The following EXOC6B variants were observed in gnomAD, a reference collection of about 807,000 sequenced individuals.
EXOC6B encodes SEC15 homolog B.
Under a neutral mutation model 113.5 loss-of-function variants are expected in EXOC6B, and 54 were observed. The ratio of observed to expected loss-of-function variants is 0.48; its 90% CI spans 0.38 to 0.60. The LOEUF is 0.60. Among genes scored for constraint, EXOC6B ranks in the 20% least tolerant of loss-of-function variants. The pLI, the probability that EXOC6B is intolerant of heterozygous loss-of-function variation, is 0.00. For synonymous variants in EXOC6B, 357 were observed against 339.0 expected (o/e 1.05, Z -0.58); for missense variants, 797 against 977.5 (o/e 0.82, Z 2.46).
chr2:72,742,240 C>T (rs1344625221), intron 1 of EXOC6B, among the ~76,000 whole-genome samples: 3 of 152,184 alleles, frequency 2.0e-5, no homozygotes, highest in East Asian at 3.8e-4. Context: ...CAAGTTTTCC[C>T]ATTTATCCCT....
At chr2:72,251,783 G>A (rs148108772) in intron 20 of EXOC6B, among the ~76,000 whole-genome samples, 11 of 152,238 alleles carry the variant, frequency 7.2e-5, no homozygotes, top group African/African-American at 1.4e-4. Flanking sequence ...CATGAATAGC[G>A]TAACTATAAC....
At chr2:72,463,333 A>G (rs1381589439) in intron 18 of EXOC6B, 1 of 152,170 alleles carries the variant, frequency 6.6e-6, no homozygotes, top group African/African-American at 2.4e-5. Flanking sequence ...ACTAGGAACA[A>G]CTAGGAGAGG....
At chr2:72,722,402 T>A (rs529097629) in intron 5 of EXOC6B, among the ~76,000 whole-genome samples, 1 of 152,344 alleles carries the variant, frequency 6.6e-6, no homozygotes, top group South Asian at 2.1e-4. Context: ...CTCTTCTTGC[T>A]CTAATGAATT....
chr2:72,596,309 T>C (rs1670076127), intron 6 of EXOC6B, among the ~76,000 whole-genome samples: 1 of 152,126 alleles, frequency 6.6e-6, no homozygotes, highest in Admixed American at 6.5e-5. Context: ...AAATCACAAC[T>C]ATCATGAGCA....
At chr2:72,759,218 G>A (rs1297311473) in intron 1 of EXOC6B, among the ~76,000 whole-genome samples, 1 of 152,156 alleles carries the variant, frequency 6.6e-6, no homozygotes, top group African/African-American at 2.4e-5. Flanking sequence ...GATTAAATGA[G>A]ATAATGTAAG....
chr2:72,785,738 T>C (rs776156115), intron 1 of EXOC6B, among the ~76,000 whole-genome samples: 1 of 152,238 alleles, frequency 6.6e-6, no homozygotes, highest in Non-Finnish European at 1.5e-5. Context: ...CTCCTGGGCC[T>C]ATGGGCCTGT....
intron 6 of EXOC6B, among the ~76,000 whole-genome samples, chr2:72,694,685 G>A (rs1022058067): frequency 6.6e-6 from 1 of 152,180 alleles, no homozygotes; most frequent in Admixed American, 6.5e-5. Context: ...GCATTAAAAT[G>A]CCATAGGAAC....
At chr2:72,544,062 T>C (rs138428768) in intron 8 of EXOC6B, among the ~76,000 whole-genome samples, 57 of 152,214 alleles carry the variant, frequency 3.7e-4, no homozygotes, top group African/African-American at 1.3e-3. Flanking sequence ...AAGGTGTAAC[T>C]TGCATTTGTT....
chr2:72,237,238 A>G (rs765178755), intron 20 of EXOC6B, among the ~76,000 whole-genome samples: 5 of 152,210 alleles, frequency 3.3e-5, no homozygotes, highest in Non-Finnish European at 5.9e-5. Flanking sequence ...TGTATCACTT[A>G]GATGTCAATT....
intron 1 of EXOC6B, among the ~76,000 whole-genome samples, chr2:72,811,232 G>C (rs1484176353): frequency 1.3e-5 from 2 of 152,074 alleles, no homozygotes; most frequent in Non-Finnish European, 2.9e-5. Context: ...AATCTCTTGA[G>C]CCTGGAAGGC....
intron 6 of EXOC6B, among the ~76,000 whole-genome samples, chr2:72,641,128 C>T (rs1194062569): frequency 6.6e-6 from 1 of 152,246 alleles, no homozygotes; most frequent in African/African-American, 2.4e-5. Context: ...CAGCTCCAGT[C>T]TGCAGCTCCG....
intron 20 of EXOC6B, among the ~76,000 whole-genome samples, chr2:72,280,836 C>T (rs1685084760): frequency 6.6e-6 from 1 of 151,980 alleles, no homozygotes; most frequent in African/African-American, 2.4e-5. Flanking sequence ...AAGAGAACTG[C>T]TGGCAAACTC....
rs1168144653 is a variant in EXOC6B, at chr2:72,379,715, G to A, written c.2122+14C>T. 3 of 1,600,860 alleles carry A rather than the reference G, an allele frequency of 1.9e-6. No homozygotes were observed. Among genetic ancestry groups the A allele is most frequent in the African/African-American group, 1.3e-5 (1 of 74,776 alleles). On this transcript the variant is annotated intron_variant, in intron 19 of 21. Coordinates refer to ENST00000272427, the MANE Select transcript of EXOC6B (RefSeq NM_015189.3). ...TGGTAAGATAAACAAGCACAGGGAT[G>A]GTCACTGTCTTACGTTCACATTCTC...
chr2:72,476,578 G>C (rs1698756926), intron 17 of EXOC6B, among the ~76,000 whole-genome samples: 1 of 152,088 alleles, frequency 6.6e-6, no homozygotes, highest in South Asian at 2.1e-4. Context: ...TGAACTGTGA[G>C]TAATTGTGAT....
intron 6 of EXOC6B, among the ~76,000 whole-genome samples, chr2:72,706,847 C>T (rs143042832): frequency 0.013 from 1,917 of 152,260 alleles, 71 homozygotes; most frequent in Non-Finnish European, 9.5e-3. Flanking sequence ...CACTATAACA[C>T]GACTTCCAAG....
chr2:72,275,848 C>G (rs1198785771), intron 20 of EXOC6B, among the ~76,000 whole-genome samples: 1 of 152,136 alleles, frequency 6.6e-6, no homozygotes, highest in African/African-American at 2.4e-5. Flanking sequence ...AATGACCTTA[C>G]CTGCTTAATT....
chr2:72,703,820 T>G (rs2104652257), intron 6 of EXOC6B, among the ~76,000 whole-genome samples: 1 of 138,330 alleles, frequency 7.2e-6, no homozygotes, highest in Non-Finnish European at 1.5e-5. Context: ...AAGGAGATTT[T>G]GGGCTGAGAC....
intron 6 of EXOC6B, among the ~76,000 whole-genome samples, chr2:72,709,174 G>T (rs1573663765): frequency 6.6e-6 from 1 of 151,920 alleles, no homozygotes; most frequent in African/African-American, 2.4e-5. Context: ...TAAGTCTATT[G>T]CTTTGGCCAT....
At chr2:72,455,963 G>A (rs1174434464) in intron 18 of EXOC6B, among the ~76,000 whole-genome samples, 1 of 152,038 alleles carries the variant, frequency 6.6e-6, no homozygotes, top group African/African-American at 2.4e-5. Flanking sequence ...ATGACACAAG[G>A]AAAAATGACC....
Sources: allele counts gnomAD v4.1 joint callset (sites outside exome capture counted in the v4.1 genomes callset), GRCh38; gene constraint gnomAD v4.1.1; transcripts MANE v1.5; gene names NCBI Gene and HGNC (gene_info 2026-07-23, HGNC 2026-07-21).